The following DET1 variants were observed in gnomAD, a reference collection of about 807,000 sequenced individuals.
The protein encoded by DET1 is DET1 homolog.
A neutral mutation model predicts 43.7 loss-of-function variants in DET1; 22 were observed. That is an observed-to-expected ratio of 0.50 (90% CI 0.36 to 0.72). DET1 has a LOEUF of 0.72. DET1 is among the 30% of genes least tolerant of loss of function. DET1 has a pLI of 0.00. For missense variants in DET1, 713 were observed against 713.3 expected (o/e 1.00, Z 0.00); for synonymous variants, 315 against 266.2 (o/e 1.18, Z -1.79).
chr15:88,544,814 G>C (rs562596569), intron 1 of DET1, among the ~76,000 whole-genome samples: 1 of 152,198 alleles, frequency 6.6e-6, no homozygotes, highest in East Asian at 1.9e-4. Context: ...TTGGAGGGCC[G>C]GTACCTCTAA....
At chr15:88,511,690 C>T, downstream of DET1, 1 of 819,694 alleles carries the variant, frequency 1.2e-6, no homozygotes. Flanking sequence ...TGACTCATAG[C>T]AGGTGCTCAA....
At position 88,531,646 on chromosome 15, in the gene DET1, G is replaced by A. The variant is rs1237572686; in HGVS notation, c.60C>T (p.His20=). The A allele has an allele frequency of 1.2e-6, 2 of 1,613,670 alleles. No individual in the cohort carries two copies. Among genetic ancestry groups the A allele is most frequent in the Non-Finnish European group, 1.7e-6 (2 of 1,179,564 alleles). Residue 20 remains histidine (H), a synonymous_variant, in exon 2 of 5, where the codon CAC becomes CAT. Transcript: ENST00000268148. The surrounding 1 kb of genome is among the most constrained non-coding windows in gnomAD (Gnocchi z 6.2). ...PRRIQNQNVI[H]RLERRRISSG... is the part of the protein sequence containing the mutation. ...AACTGATCCGCCGGCGTTCCAAGCG[G>A]TGAATGACATTTTGGTTTTGGATTC...
At chr15:88,525,827 A>ATTTTT (rs10658727) in intron 3 of DET1, among the ~76,000 whole-genome samples, 1 of 90,694 alleles carries the variant, frequency 1.1e-5, no homozygotes. Flanking sequence ...ACACTCGGCT[A>ATTTTT]TTTTTTTTTT....
intron 3 of DET1, among the ~76,000 whole-genome samples, chr15:88,519,973 A>G (rs979203328): frequency 1.3e-5 from 2 of 152,174 alleles, no homozygotes; most frequent in African/African-American, 4.8e-5. Flanking sequence ...TGTTACTAAC[A>G]AATGGAAGTT....
In DET1 at chr15:88,531,303, C is replaced by A. The variant is rs1418675550; in HGVS notation, c.403G>T (p.Ala135Ser). The change falls in exon 2 of 5, where the codon GCC becomes TCC. Residue 135 changes from alanine to serine, a missense_variant. Coordinates refer to ENST00000268148, the MANE Select transcript of DET1 (RefSeq NM_001144074.3). This position sits in a 1 kb window ranked among gnomAD's most constrained non-coding sequence, Gnocchi z 6.2. ...FVLLHITNVA[A>S]NGEHLNRECS... ...TCCCGGTTCAGGTGCTCACCATTGG[C>A]CGCAACATTGGTAATGTGCAGCAGG... 1.2e-6 allele frequency: 2 copies of A among 1,613,946 alleles called. No homozygotes were observed. Among genetic ancestry groups the A allele is most frequent in the Non-Finnish European group, 1.7e-6 (2 of 1,179,864 alleles).
At chr15:88,536,770 CAAAAAAAA>C (rs58177778) in intron 1 of DET1, among the ~76,000 whole-genome samples, 1 of 48,080 alleles carries the variant, frequency 2.1e-5, no homozygotes, top group African/African-American at 8.7e-5. Flanking sequence ...GACTCCATCT[CAAAAAAAA>C]AAAAAAAAAA....
At chr15:88,522,708 C>T (rs8026440) in intron 3 of DET1, among the ~76,000 whole-genome samples, 104,285 of 150,632 alleles carry the variant, frequency 0.69, 36,350 homozygotes, top group South Asian at 0.8. Flanking sequence ...TTAGAAGAGA[C>T]GGGGTTTCAC....
chr15:88,536,696 G>A (rs151145993), intron 1 of DET1, among the ~76,000 whole-genome samples: 46 of 148,620 alleles, frequency 3.1e-4, no homozygotes, highest in African/African-American at 9.4e-4. Flanking sequence ...GCTTGAACCC[G>A]GGAGGCAGAG....
At chr15:88,542,126 G>A (rs568102876) in intron 1 of DET1, among the ~76,000 whole-genome samples, 4 of 152,178 alleles carry the variant, frequency 2.6e-5, no homozygotes, top group South Asian at 2.1e-4. Context: ...CAGACCCATC[G>A]ACCCACCTAG....
At chr15:88,533,264 T>C (rs1404616458) in intron 1 of DET1, among the ~76,000 whole-genome samples, 1 of 152,128 alleles carries the variant, frequency 6.6e-6, no homozygotes, top group Non-Finnish European at 1.5e-5. Context: ...GAACGACTGC[T>C]TTTTTTAAAA....
chr15:88,513,793 CTTTTTTTTTTTTT>C (rs55855042), intron 4 of DET1, among the ~76,000 whole-genome samples: 51 of 68,488 alleles, frequency 7.4e-4, no homozygotes, highest in African/African-American at 3.1e-3. Context: ...AGAATAAATT[CTTTTTTTTTTTTT>C]TTTTTTTTTT....
chr15:88,509,063 CAG>C (rs1406294555), downstream of DET1, among the ~76,000 whole-genome samples: 2 of 152,336 alleles, frequency 1.3e-5, no homozygotes, highest in African/African-American at 4.8e-5. Context: ...GGAACAAGTA[CAG>C]ATGCAAGTCA....
intron 1 of DET1, among the ~76,000 whole-genome samples, chr15:88,538,852 G>A (rs1001424063): frequency 4.6e-5 from 7 of 152,176 alleles, no homozygotes; most frequent in Admixed American, 1.3e-4. Flanking sequence ...TTCTCACCCC[G>A]GGGTCAGGTA....
downstream of DET1, chr15:88,511,331 C>A: frequency 1.1e-6 from 1 of 892,932 alleles, no homozygotes; most frequent in Non-Finnish European, 1.3e-6. Flanking sequence ...TAGCAACCTG[C>A]ACAAGACCTC....
Position 88,516,673 on chromosome 15 carries a change from C to A in DET1, c.1463+109G>T. ...AATAGCCTGCCTTTTCAACCTTACC[C>A]ATGAGTACGAGTCACAGTCACAATC... On this transcript the variant is annotated intron_variant, in intron 4 of 4. Transcript: ENST00000268148. This position sits in a 1 kb window ranked among gnomAD's most constrained non-coding sequence, Gnocchi z 4.4. 1 of 975,924 alleles carries A rather than the reference C, an allele frequency of 1.0e-6. No individual in the cohort carries two copies. Among genetic ancestry groups the A allele is most frequent in the Non-Finnish European group, 1.4e-6 (1 of 700,496 alleles). 60.5% of individuals were successfully genotyped at this position (975,924 alleles called of 1,614,324 possible).
intron 3 of DET1, among the ~76,000 whole-genome samples, chr15:88,527,242 T>C (rs1363108900): frequency 6.6e-6 from 1 of 152,208 alleles, no homozygotes. Context: ...GGAGCAAAGA[T>C]AAATACATGT....
In DET1 at chr15:88,530,713, C is replaced by A; in HGVS notation, c.993G>T (p.Met331Ile). ...QYFDQLRQLR[M>I]WKMQLLDENH... ...TTTCATCCAGAAGCTGCATTTTCCA[C>A]ATTCGCAGCTGCCGCAGTTGGTCAA... The change falls in exon 2 of 5, where the codon ATG becomes ATT. Residue 331 changes from methionine to isoleucine, a missense_variant. Transcript: ENST00000268148. The A allele has an allele frequency of 1.2e-6, 2 of 1,614,024 alleles. No homozygotes were observed. The highest frequency in any genetic ancestry group is 2.2e-5 in the South Asian group (2 of 91,074).
At chr15:88,517,043 C>G (rs1038345546) in intron 3 of DET1, 70 bp from the exon 4 acceptor site, 4 of 1,130,580 alleles carry the variant, frequency 3.5e-6, no homozygotes, top group Non-Finnish European at 3.7e-6. Flanking sequence ...TTTAAATTGA[C>G]AAATATATGT....
intron 1 of DET1, among the ~76,000 whole-genome samples, chr15:88,533,852 T>TAAAAAAAAAA (rs368408722): frequency 1.3e-3 from 50 of 39,200 alleles, no homozygotes; most frequent in African/African-American, 1.7e-3. Context: ...ACCCAATCTC[T>TAAAAAAAAAA]AAAAAAAAAA....
Sources: gnomAD v4.1 joint callset for allele counts (sites outside exome capture counted in the v4.1 genomes callset) on GRCh38, gnomAD v4.1.1 for gene constraint, Gnocchi (gnomAD v3.1) non-coding constraint, MANE v1.5 for transcripts, NCBI Gene and HGNC (gene_info 2026-07-23, HGNC 2026-07-21) for gene names.